Variants in ACBD6 observed in about 807,000 individuals in gnomAD.
ACBD6 encodes the protein acyl-CoA binding domain containing 6.
In ACBD6, 28 loss-of-function variants were observed where a neutral mutation model predicts 37.2. That is an observed-to-expected ratio of 0.75 (90% CI 0.56 to 1.03). ACBD6 has a LOEUF of 1.03. Ranked by LOEUF, ACBD6 falls within the 50% of genes least tolerant of loss-of-function variation. ACBD6 has a pLI of 0.00. For missense variants in ACBD6, 340 were observed against 337.4 expected (o/e 1.01, Z -0.06); for synonymous variants, 113 against 126.8 (o/e 0.89, Z 0.73).
chr1:180,497,268 T>G (rs770130724), intron 1 of ACBD6, among the ~76,000 whole-genome samples: 1 of 152,232 alleles, frequency 6.6e-6, no homozygotes, highest in African/African-American at 2.4e-5. Flanking sequence ...CACATGATCA[T>G]CCGGCTAAAC....
At chr1:180,335,838 CA>C (rs1403274292) in intron 6 of ACBD6, among the ~76,000 whole-genome samples, 1 of 143,336 alleles carries the variant, frequency 7.0e-6, no homozygotes, top group Admixed American at 7.0e-5. Context: ...AAATGGAAAA[CA>C]AAAAAAGGCA....
At chr1:180,351,413 C>T (rs940960754) in intron 6 of ACBD6, among the ~76,000 whole-genome samples, 2 of 151,762 alleles carry the variant, frequency 1.3e-5, no homozygotes, top group Non-Finnish European at 2.9e-5. Flanking sequence ...CTAGCTGGGA[C>T]TACAGGTGCG....
intron 7 of ACBD6, among the ~76,000 whole-genome samples, chr1:180,314,019 T>C (rs1232876882): frequency 6.6e-6 from 1 of 152,204 alleles, no homozygotes; most frequent in Non-Finnish European, 1.5e-5. Context: ...AAAAATCAAA[T>C]TTCTTTTTCT....
intron 3 of ACBD6, among the ~76,000 whole-genome samples, chr1:180,476,258 T>C (rs1342003164): frequency 6.6e-6 from 1 of 152,230 alleles, no homozygotes; most frequent in Non-Finnish European, 1.5e-5. Flanking sequence ...GTTATATTAT[T>C]AACTCATTTA....
chr1:180,347,714 G>GT (rs546131681), intron 6 of ACBD6, among the ~76,000 whole-genome samples: 352 of 152,322 alleles, frequency 2.3e-3, no homozygotes, highest in Non-Finnish European at 4.2e-3. Context: ...GCTCACGTCT[G>GT]TAATCCCAGC....
chr1:180,283,741 A>G (rs1649383395), downstream of ACBD6, among the ~76,000 whole-genome samples: 1 of 152,218 alleles, frequency 6.6e-6, no homozygotes, highest in African/African-American at 2.4e-5. Flanking sequence ...ATTCAAGTAT[A>G]AAAGAAAAAT....
chr1:180,271,001 G>A, exon 14 of ACBD6: 1 of 326,618 alleles, frequency 3.1e-6, no homozygotes, highest in South Asian at 2.6e-5. Context: ...CTTCAACCTG[G>A]CTGTTCACCT....
intron 3 of ACBD6, among the ~76,000 whole-genome samples, chr1:180,449,914 A>T (rs1360314007): frequency 6.7e-6 from 1 of 148,904 alleles, no homozygotes; most frequent in Non-Finnish European, 1.5e-5. Context: ...ATTAAAAAAA[A>T]AAAAACTTAA....
chr1:180,327,601 C>T (rs1006184144), intron 6 of ACBD6, among the ~76,000 whole-genome samples: 1 of 152,194 alleles, frequency 6.6e-6, no homozygotes, highest in African/African-American at 2.4e-5. Flanking sequence ...GGCAATCTTG[C>T]TCCACATTCA....
intron 3 of ACBD6, among the ~76,000 whole-genome samples, chr1:180,454,302 T>C (rs1033770616): frequency 6.6e-6 from 1 of 152,152 alleles, no homozygotes; most frequent in African/African-American, 2.4e-5. Context: ...TAAATGGTAT[T>C]GGGAAAACTG....
chr1:180,383,684 T>C (rs888646341), intron 6 of ACBD6, among the ~76,000 whole-genome samples: 1 of 152,144 alleles, frequency 6.6e-6, no homozygotes, highest in Non-Finnish European at 1.5e-5. Context: ...AAAATGTGTA[T>C]GGAACCAGAA....
intron 3 of ACBD6, among the ~76,000 whole-genome samples, chr1:180,467,461 A>C (rs1030416335): frequency 7.3e-5 from 11 of 150,082 alleles, no homozygotes; most frequent in Non-Finnish European, 1.3e-4. Flanking sequence ...AAAAAAAAAA[A>C]AAAAAAAAAA....
intron 5 of ACBD6, among the ~76,000 whole-genome samples, chr1:180,410,860 C>CTA (rs1037695345): frequency 2.6e-5 from 4 of 152,196 alleles, no homozygotes; most frequent in Admixed American, 1.3e-4. Flanking sequence ...TTCTATAAGG[C>CTA]TATAGCTGCC....
chr1:180,474,426 A>C (rs1237599738), intron 3 of ACBD6, among the ~76,000 whole-genome samples: 1 of 151,864 alleles, frequency 6.6e-6, no homozygotes, highest in Non-Finnish European at 1.5e-5. Flanking sequence ...GAAATACAAC[A>C]TAAAACATAA....
intron 6 of ACBD6, among the ~76,000 whole-genome samples, chr1:180,348,653 A>C (rs1006749252): frequency 7.9e-5 from 12 of 152,238 alleles, no homozygotes; most frequent in Non-Finnish European, 1.2e-4. Flanking sequence ...TGTCTGAATA[A>C]GGATAGCTTT....
At chr1:180,293,103 T>C (rs1337695747) in intron 7 of ACBD6, among the ~76,000 whole-genome samples, 3 of 152,206 alleles carry the variant, frequency 2.0e-5, no homozygotes, top group Non-Finnish European at 2.9e-5. Flanking sequence ...CCTTTTTGTA[T>C]TTACTAGGTT....
chr1:180,490,400 T>C (rs1651446696), intron 3 of ACBD6, among the ~76,000 whole-genome samples: 1 of 151,590 alleles, frequency 6.6e-6, no homozygotes, highest in South Asian at 2.1e-4. Flanking sequence ...CCCAGCACTT[T>C]GGGAGGCCGA....
At chr1:180,398,588 C>A (rs1008645001) in intron 5 of ACBD6, among the ~76,000 whole-genome samples, 5 of 152,114 alleles carry the variant, frequency 3.3e-5, no homozygotes, top group Non-Finnish European at 7.4e-5. Context: ...AGATAAAGTA[C>A]TAAATATGAA....
rs114886057 is a variant in ACBD6 at position 180,280,430 on chromosome 1, A to G, written c.*174+876T>C. 9.5e-3 allele frequency among the ~76,000 whole-genome samples: 1,450 copies of G among 152,026 alleles called. 21 individuals are homozygous for G. Among genetic ancestry groups the G allele is most frequent in the African/African-American group, 0.033 (1,361 of 41,460 alleles). ...CAGGAGGTTGGGCTCTGGACCTCTGAGTTCTCTAATGCTGCCACTGGGTTG... is the reference window on the plus strand; with the variant it reads ...CAGGAGGTTGGGCTCTGGACCTCTGGGTTCTCTAATGCTGCCACTGGGTTG... On this transcript the variant is annotated intron_variant, in intron 9 of 13. Transcript: ENST00000642319.
Sources: gnomAD v4.1 joint callset for allele counts (sites outside exome capture counted in the v4.1 genomes callset) on GRCh38, gnomAD v4.1.1 for gene constraint, MANE v1.5 for transcripts, NCBI Gene and HGNC (gene_info 2026-07-23, HGNC 2026-07-21) for gene names.